ITPK1: variants seen among roughly 807,000 people sequenced by gnomAD.
The protein encoded by ITPK1 is inositol 1,3,4-trisphosphate 5/6-kinase.
In ITPK1, 21 loss-of-function variants were observed where a neutral mutation model predicts 45.3. The observed-to-expected ratio is 0.46, with a 90% CI of 0.33 to 0.67. The LOEUF is 0.67. ITPK1 is among the 30% of genes least tolerant of loss of function. The pLI, the probability that ITPK1 is intolerant of heterozygous loss-of-function variation, is 0.02. For missense variants in ITPK1, 474 were observed against 573.5 expected, an observed-to-expected ratio of 0.83 and a Z score of 1.77; for synonymous variants, 258 against 253.6, an observed-to-expected ratio of 1.02 and a Z score of -0.16.
intron 2 of ITPK1, among the ~76,000 whole-genome samples, chr14:93,106,275 C>T (rs1191471024): frequency 1.4e-5 from 2 of 147,614 alleles, no homozygotes; most frequent in Admixed American, 7.4e-5. Context: ...TCCCTGGCCC[C>T]GAGGGCATAA....
At chr14:93,062,186 G>A (rs1044245306) in intron 3 of ITPK1, among the ~76,000 whole-genome samples, 12 of 152,116 alleles carry the variant, frequency 7.9e-5, no homozygotes, top group Admixed American at 1.3e-4. Context: ...CAGGAAAATC[G>A]CTTGAACCTG....
At chr14:93,070,631 A>G (rs1014302931) in intron 3 of ITPK1, 1 of 152,258 alleles carries the variant, frequency 6.6e-6, no homozygotes, top group Admixed American at 6.5e-5. Flanking sequence ...GCTCATTGCC[A>G]CTAACCAGAC....
At chr14:92,959,682 C>A (rs147468550) in intron 7 of ITPK1, among the ~76,000 whole-genome samples, 2 of 151,562 alleles carry the variant, frequency 1.3e-5, no homozygotes, top group Non-Finnish European at 2.9e-5. Context: ...TTCAGGGATG[C>A]TTTGAGCTTT....
At position 93,080,436 on chromosome 14, in the gene ITPK1, G is replaced by A. The variant is rs186174360; in HGVS notation, c.96-3817C>T. Reference sequence around the variant, plus strand: ...TGCTTGATAAAAGCACGAAGCAATCGATCAATGGAGGACACAAGACAGCAG... The same window carrying A: ...TGCTTGATAAAAGCACGAAGCAATCAATCAATGGAGGACACAAGACAGCAG... On this transcript the variant is annotated intron_variant, in intron 2 of 10. Transcript: ENST00000267615. 1.1e-4 allele frequency among the ~76,000 whole-genome samples: 17 copies of A among 152,276 alleles called. No homozygotes were observed. The East Asian group carries it at 1.9e-3, about 17-fold the overall frequency.
intron 9 of ITPK1, among the ~76,000 whole-genome samples, chr14:92,948,248 T>A (rs1379602586): frequency 6.6e-6 from 1 of 152,044 alleles, no homozygotes; most frequent in Non-Finnish European, 1.5e-5. Flanking sequence ...GTGATGAAAA[T>A]GTTTTGGAAC....
Position 92,941,604 on chromosome 14 carries a change from T to C in ITPK1, c.1202A>G (p.Gln401Arg). 1 of 1,537,708 alleles carries C rather than the reference T, an allele frequency of 6.5e-7. No individual in the cohort carries two copies. Residue 401 changes from glutamine (Q) to arginine (R), a missense_variant, in exon 11 of 11, where the codon CAG becomes CGG. By Grantham distance (43) the Gln-to-Arg change is conservative. Coordinates refer to ENST00000267615, the MANE Select transcript of ITPK1 (RefSeq NM_014216.6). ...CNAGVSPSFQ[Q>R]HCVASLATKA... ...GGTGGCCAGGGAGGCCACACAATGCTGCTGGAAGCTGGGCGACACGCCGGC... is the reference window on the plus strand; with the variant it reads ...GGTGGCCAGGGAGGCCACACAATGCCGCTGGAAGCTGGGCGACACGCCGGC...
intron 5 of ITPK1, among the ~76,000 whole-genome samples, chr14:92,965,033 G>C (rs1483402900): frequency 6.6e-6 from 1 of 152,192 alleles, no homozygotes; most frequent in Non-Finnish European, 1.5e-5. Flanking sequence ...TCCCTGCATA[G>C]AGTTCCATGG....
chr14:93,018,892 G>A (rs917397783), intron 3 of ITPK1, among the ~76,000 whole-genome samples: 2 of 152,204 alleles, frequency 1.3e-5, no homozygotes, highest in Non-Finnish European at 2.9e-5. Flanking sequence ...CAGTCTCCAT[G>A]AGCAGCCCGC....
chr14:93,011,473 A>G (rs1162441634), intron 4 of ITPK1, among the ~76,000 whole-genome samples: 1 of 152,242 alleles, frequency 6.6e-6, no homozygotes, highest in African/African-American at 2.4e-5. Context: ...CAGGGACAAC[A>G]TGAGAAGAAC....
intron 5 of ITPK1, among the ~76,000 whole-genome samples, chr14:92,979,134 T>G (rs542947883): frequency 6.6e-6 from 1 of 152,340 alleles, no homozygotes; most frequent in East Asian, 1.9e-4. Context: ...TTTTGGAGCT[T>G]TAAGATTTAA....
chr14:93,081,144 G>A (rs1474191907), intron 2 of ITPK1, among the ~76,000 whole-genome samples: 1 of 150,892 alleles, frequency 6.6e-6, no homozygotes, highest in Non-Finnish European at 1.5e-5. Flanking sequence ...AGACCAGCCT[G>A]GCCAACATGG....
Position 93,032,114 on chromosome 14 carries a change from C to T in ITPK1, c.121-15313G>A, listed in dbSNP as rs1889090008. Among the ~76,000 whole-genome samples the T allele has an allele frequency of 6.6e-6, 1 of 152,138 alleles. No individual in the cohort carries two copies. The highest frequency in any genetic ancestry group is 2.4e-5 in the African/African-American group (1 of 41,440). Reference sequence around the variant, plus strand: ...CCTGTCATCCCAGCACTTTAGGAGGCTGGGGCGGGCGGATCACTTGGGGTC... The same window carrying T: ...CCTGTCATCCCAGCACTTTAGGAGGTTGGGGCGGGCGGATCACTTGGGGTC... On this transcript the variant is annotated intron_variant, in intron 3 of 10. Transcript: ENST00000267615. This position sits in a 1 kb window ranked among gnomAD's most constrained non-coding sequence, Gnocchi z 4.0.
Position 92,940,016 on chromosome 14 carries a change from T to G in ITPK1, c.*1545A>C. 1 of 985,816 alleles carries G rather than the reference T, an allele frequency of 1.0e-6. No homozygotes were observed. Among genetic ancestry groups the G allele is most frequent in the Non-Finnish European group, 1.2e-6 (1 of 829,920 alleles). The allele number at this position is 985,816 out of a possible 1,614,324, so 61.1% of individuals were successfully genotyped here. Reference sequence around the variant, plus strand: ...CTCAAGTCGTGTAAACGTGGTTAGTTGTTGGGTCCTCAGTTTCCAAAAAAG... The same window carrying G: ...CTCAAGTCGTGTAAACGTGGTTAGTGGTTGGGTCCTCAGTTTCCAAAAAAG... On this transcript the variant is annotated 3_prime_UTR_variant, in exon 11 of 11. Coordinates refer to ENST00000267615, the MANE Select transcript of ITPK1 (RefSeq NM_014216.6).
chr14:93,011,832 G>C (rs948780367), intron 4 of ITPK1, among the ~76,000 whole-genome samples: 4 of 152,102 alleles, frequency 2.6e-5, no homozygotes, highest in Non-Finnish European at 5.9e-5. Context: ...TTCCAAGCAG[G>C]GCCTCTCTCT....
chr14:93,033,012 C>T (rs1439807586), intron 3 of ITPK1, among the ~76,000 whole-genome samples: 1 of 152,252 alleles, frequency 6.6e-6, no homozygotes, highest in East Asian at 1.9e-4. Context: ...TAGAGAGACT[C>T]AGGGTGAAAG....
At chr14:93,109,327 C>T (rs1012010230) in intron 2 of ITPK1, among the ~76,000 whole-genome samples, 5 of 152,210 alleles carry the variant, frequency 3.3e-5, no homozygotes, top group African/African-American at 7.2e-5. Context: ...TACACGTGCA[C>T]GCGCCCCTGA....
chr14:92,940,167 G>A lies in ITPK1; in HGVS notation c.*1394C>T, dbSNP rs1438199109. The A allele has an allele frequency of 1.3e-5, 13 of 985,574 alleles. No homozygotes were observed. Among genetic ancestry groups the A allele is most frequent in the South Asian group, 4.7e-5 (1 of 21,304 alleles). The allele number at this position is 985,574 out of a possible 1,614,324, so 61.1% of individuals were successfully genotyped here. ...ATGCACTGGCTCGGGGGCCTCTCTC[G>A]GGACACTCAGCACTTTCTCTAGCGT... On this transcript the variant is annotated 3_prime_UTR_variant, in exon 11 of 11. Coordinates refer to ENST00000267615, the MANE Select transcript of ITPK1 (RefSeq NM_014216.6).
At chr14:92,987,703 C>T (rs1280298616) in intron 5 of ITPK1, among the ~76,000 whole-genome samples, 3 of 152,168 alleles carry the variant, frequency 2.0e-5, no homozygotes, top group African/African-American at 7.2e-5. Flanking sequence ...AGGTTCCACA[C>T]CCCCCATCTG....
At chr14:93,060,735 T>C (rs1422360563) in intron 3 of ITPK1, among the ~76,000 whole-genome samples, 2 of 152,108 alleles carry the variant, frequency 1.3e-5, no homozygotes, top group Non-Finnish European at 2.9e-5. Context: ...GCCTAGGCCA[T>C]AGGCAACAGC....
Sources: gnomAD v4.1 joint callset for allele counts (sites outside exome capture counted in the v4.1 genomes callset) on GRCh38, gnomAD v4.1.1 for gene constraint, Gnocchi (gnomAD v3.1) non-coding constraint, MANE v1.5 for transcripts, NCBI Gene and HGNC (gene_info 2026-07-23, HGNC 2026-07-21) for gene names.